CBLN2: variants seen among roughly 807,000 people sequenced by gnomAD.
CBLN2 encodes cerebellin-2.
CBLN2 carries 7 observed loss-of-function variants against 15.0 expected under a neutral mutation model. That is an observed-to-expected ratio of 0.47 (90% CI 0.27 to 0.88). CBLN2 has a LOEUF of 0.88. CBLN2 is among the 40% of genes least tolerant of loss of function. The pLI is 0.14. For synonymous variants in CBLN2, 149 were observed against 135.2 expected (o/e 1.10, Z -0.71); for missense variants, 242 against 304.5 (o/e 0.79, Z 1.53).
At chr18:72,588,078 C>A (rs1212250817) in intron 1 of CBLN2, among the ~76,000 whole-genome samples, 2 of 152,154 alleles carry the variant, frequency 1.3e-5, no homozygotes, top group Non-Finnish European at 2.9e-5. Flanking sequence ...TTAGCTATAA[C>A]CAAATGTATG....
intron 1 of CBLN2, among the ~76,000 whole-genome samples, chr18:72,561,478 C>T (rs1400994089): frequency 6.6e-6 from 1 of 152,192 alleles, no homozygotes; most frequent in East Asian, 1.9e-4. Flanking sequence ...TCCTCTCTGT[C>T]TTCCCTCTGT....
At chr18:72,611,086 G>A (rs892083729) in intron 1 of CBLN2, among the ~76,000 whole-genome samples, 13 of 152,042 alleles carry the variant, frequency 8.6e-5, no homozygotes, top group Non-Finnish European at 1.6e-4. Flanking sequence ...ATTTTTTATG[G>A]CTGCATAGTA....
intron 1 of CBLN2, among the ~76,000 whole-genome samples, chr18:72,580,806 A>G (rs1333686385): frequency 6.6e-6 from 1 of 152,202 alleles, no homozygotes; most frequent in Non-Finnish European, 1.5e-5. Context: ...CATTCACATT[A>G]TATCTCTCCT....
chr18:72,588,498 C>G (rs1007899803), intron 1 of CBLN2, among the ~76,000 whole-genome samples: 2 of 152,192 alleles, frequency 1.3e-5, no homozygotes, highest in African/African-American at 4.8e-5. Context: ...TTTGCATTTT[C>G]AGTTTTGACT....
At chr18:72,605,492 A>G (rs2069577457) in intron 1 of CBLN2, among the ~76,000 whole-genome samples, 1 of 152,268 alleles carries the variant, frequency 6.6e-6, no homozygotes. Context: ...ACATAAAGTA[A>G]CAAATTTTTA....
At chr18:72,561,545 C>G (rs1367992) in intron 1 of CBLN2, among the ~76,000 whole-genome samples, 4,010 of 152,210 alleles carry the variant, frequency 0.026, 85 homozygotes, top group Admixed American at 0.055. Flanking sequence ...CTCTCTCTAA[C>G]AGGAACTTGA....
chr18:72,625,818 C>CTATA lies in CBLN2; in HGVS notation c.15+12503_15+12506dup, dbSNP rs56391046. On this transcript the variant is annotated intron_variant, in intron 1 of 2. Transcript: ENST00000581073. ...TCTCTCTCTCTCTCTCTCTCTCTCTCTATATATATATATATATATATATAT... is the reference window on the plus strand; with the variant it reads ...TCTCTCTCTCTCTCTCTCTCTCTCTCTATATATATATATATATATATATATATAT... 8.1e-3 allele frequency among the ~76,000 whole-genome samples: 464 copies of CTATA among 57,310 alleles called. 8 individuals are homozygous for CTATA. The highest frequency in any genetic ancestry group is 0.013 in the Middle Eastern group (1 of 78). The allele number at this position is 57,310 out of a possible 152,430, so 37.6% of individuals were successfully genotyped here.
chr18:72,611,819 C>T (rs2069624556), intron 1 of CBLN2, among the ~76,000 whole-genome samples: 1 of 152,068 alleles, frequency 6.6e-6, no homozygotes, highest in Non-Finnish European at 1.5e-5. Flanking sequence ...CATTTCCCAA[C>T]ACCAATGTCT....
At chr18:72,554,183 T>G (rs745548742) in intron 1 of CBLN2, among the ~76,000 whole-genome samples, 1 of 151,722 alleles carries the variant, frequency 6.6e-6, no homozygotes, top group Non-Finnish European at 1.5e-5. Flanking sequence ...TCATTACCCT[T>G]TTTTTTTGTT....
intron 1 of CBLN2, among the ~76,000 whole-genome samples, chr18:72,571,378 C>T (rs1487326866): frequency 6.6e-6 from 1 of 151,848 alleles, no homozygotes; most frequent in East Asian, 1.9e-4. Flanking sequence ...AGAGGACAAA[C>T]TGATTGGTGA....
At chr18:72,564,630 G>T (rs2069282487) in intron 1 of CBLN2, among the ~76,000 whole-genome samples, 1 of 152,116 alleles carries the variant, frequency 6.6e-6, no homozygotes, top group Non-Finnish European at 1.5e-5. Context: ...GGAAGAAAGA[G>T]AAGAAAATCT....
intron 1 of CBLN2, among the ~76,000 whole-genome samples, chr18:72,619,869 A>T (rs1211575498): frequency 6.6e-6 from 1 of 152,228 alleles, no homozygotes; most frequent in East Asian, 1.9e-4. Context: ...TTGTTTTCTC[A>T]GTCCACCCAT....
At chr18:72,546,166 G>A (rs1266886946), upstream of CBLN2, among the ~76,000 whole-genome samples, 8 of 152,190 alleles carry the variant, frequency 5.3e-5, no homozygotes, top group Admixed American at 4.6e-4. Context: ...GGCCGGGCGC[G>A]GTGGTTCACG....
chr18:72,601,233 T>C (rs938276834), intron 1 of CBLN2, among the ~76,000 whole-genome samples: 2 of 152,196 alleles, frequency 1.3e-5, no homozygotes, highest in African/African-American at 4.8e-5. Context: ...TAGCTTGACC[T>C]ACGCCCCGGA....
chr18:72,597,524 C>A (rs1270839787), intron 1 of CBLN2, among the ~76,000 whole-genome samples: 1 of 152,168 alleles, frequency 6.6e-6, no homozygotes, highest in African/African-American at 2.4e-5. Flanking sequence ...TGTCCAAGCC[C>A]CATGGTAACC....
intron 1 of CBLN2, among the ~76,000 whole-genome samples, chr18:72,629,052 A>G (rs765490747): frequency 6.6e-5 from 10 of 152,194 alleles, no homozygotes; most frequent in Non-Finnish European, 1.5e-4. Flanking sequence ...TAGACCAAAC[A>G]AAATGACCCC....
intron 1 of CBLN2, among the ~76,000 whole-genome samples, chr18:72,555,382 A>C (rs965099728): frequency 6.6e-6 from 1 of 151,816 alleles, no homozygotes; most frequent in Non-Finnish European, 1.5e-5. Context: ...GGGGAGGGAG[A>C]ATTTCCTATT....
At chr18:72,556,344 G>A (rs1598996725) in intron 1 of CBLN2, among the ~76,000 whole-genome samples, 1 of 152,108 alleles carries the variant, frequency 6.6e-6, no homozygotes, top group Non-Finnish European at 1.5e-5. Context: ...TCTAAACCTG[G>A]CATCAATATT....
intron 1 of CBLN2, among the ~76,000 whole-genome samples, chr18:72,592,660 G>T (rs1177775240): frequency 6.6e-6 from 1 of 151,990 alleles, no homozygotes; most frequent in East Asian, 1.9e-4. Context: ...ATTTTGATTT[G>T]ATTTTTGTAT....
Sources: allele counts gnomAD v4.1 joint callset (sites outside exome capture counted in the v4.1 genomes callset), GRCh38; gene constraint gnomAD v4.1.1; transcripts MANE v1.5; gene names NCBI Gene and HGNC (gene_info 2026-07-23, HGNC 2026-07-21).